Variants in KCNQ1 observed in about 807,000 individuals in gnomAD.
KCNQ1 encodes the protein potassium voltage-gated channel subfamily KQT member 1.
KCNQ1 carries 49 observed loss-of-function variants against 72.4 expected under a neutral mutation model. The ratio of observed to expected loss-of-function variants is 0.68; its 90% confidence interval spans 0.54 to 0.86. KCNQ1 has a LOEUF of 0.86. Among genes scored for constraint, KCNQ1 ranks in the 40% least tolerant of loss-of-function variants. KCNQ1 has a pLI of 0.00. For synonymous variants in KCNQ1, 450 were observed against 412.6 expected, an observed-to-expected ratio of 1.09 and a Z score of -1.10; for missense variants, 790 against 945.1, an observed-to-expected ratio of 0.84 and a Z score of 2.15.
chr11:2,802,133 C>T (rs919938947), intron 15 of KCNQ1, among the ~76,000 whole-genome samples: 15 of 152,234 alleles, frequency 9.9e-5, no homozygotes, highest in African/African-American at 3.4e-4. Context: ...CATCCACCCT[C>T]CACTCCGCTT....
intron 1 of KCNQ1, among the ~76,000 whole-genome samples, chr11:2,510,265 C>A (rs1038564997): frequency 6.6e-6 from 1 of 150,840 alleles, no homozygotes; most frequent in Admixed American, 6.6e-5. Context: ...AGTGACAGAA[C>A]GAGACCCTGT....
rs948018027 is a variant in KCNQ1 at position 2,713,486 on chromosome 11, C to T, written c.1514+51405C>T. Among the ~76,000 whole-genome samples the T allele has an allele frequency of 5.9e-5, 9 of 152,218 alleles. No homozygotes were observed. The highest frequency in any genetic ancestry group is 5.2e-4 in the Admixed American group (8 of 15,276). Reference sequence around the variant, plus strand: ...GCCATTGTAGATTTTGATTAATCGCCATCCCCATTATTTCTTCACTTTCTC... The same window carrying T: ...GCCATTGTAGATTTTGATTAATCGCTATCCCCATTATTTCTTCACTTTCTC... On this transcript the variant is annotated intron_variant, in intron 11 of 15. Coordinates refer to ENST00000155840, the MANE Select transcript of KCNQ1 (RefSeq NM_000218.3). The surrounding 1 kb of genome is among the most constrained non-coding windows in gnomAD (Gnocchi z 5.6).
At position 2,600,155 on chromosome 11, in the gene KCNQ1, G is replaced by A. The variant is rs1448178070; in HGVS notation, c.1393+11301G>A. ...AGTGCCGGATAATTCTTTGTTGAGG[G>A]AGGAAGTCCTGTCTATTGCAGGATG... On this transcript the variant is annotated intron_variant, in intron 10 of 15. Transcript: ENST00000155840. The surrounding 1 kb of genome is among the most constrained non-coding windows in gnomAD (Gnocchi z 5.6). Among the ~76,000 whole-genome samples the A allele has an allele frequency of 6.6e-6, 1 of 152,122 alleles. No homozygotes were observed. Among genetic ancestry groups the A allele is most frequent in the African/African-American group, 2.4e-5 (1 of 41,408 alleles).
intron 1 of KCNQ1, among the ~76,000 whole-genome samples, chr11:2,452,682 C>T (rs7945198): frequency 0.022 from 3,387 of 152,312 alleles, 112 homozygotes; most frequent in African/African-American, 0.078. Context: ...GTGCTCTTGG[C>T]TAGGATGGCT....
intron 15 of KCNQ1, among the ~76,000 whole-genome samples, chr11:2,822,303 C>T (rs1349679645): frequency 1.3e-5 from 2 of 152,192 alleles, no homozygotes. Flanking sequence ...TAACATGGCA[C>T]CACAGTGCAG....
At chr11:2,575,609 C>T (rs1848411862) in intron 6 of KCNQ1, among the ~76,000 whole-genome samples, 1 of 152,248 alleles carries the variant, frequency 6.6e-6, no homozygotes, top group Non-Finnish European at 1.5e-5. Context: ...CTGCTTCCTT[C>T]ACCCCACCGG....
At chr11:2,845,455 G>A (rs1848307123) in intron 15 of KCNQ1, among the ~76,000 whole-genome samples, 1 of 152,334 alleles carries the variant, frequency 6.6e-6, no homozygotes, top group Non-Finnish European at 1.5e-5. Context: ...TGAAGTGCTG[G>A]CGGGTCCTTG....
At chr11:2,585,112 C>G in intron 7 of KCNQ1, 100 bp from the exon 8 acceptor site, 1 of 1,062,296 alleles carries the variant, frequency 9.4e-7, no homozygotes, top group East Asian at 2.4e-5. Context: ...ACTGACCATA[C>G]CTGGCCTTCC....
chr11:2,660,368 G>A lies in KCNQ1; in HGVS notation c.1394-1593G>A, dbSNP rs150597452. ...TAAATTTAAGAGAGAATTGTATTACGCTGATGTGGGAAAACCTTCCTTTTT... is the reference window on the plus strand; with the variant it reads ...TAAATTTAAGAGAGAATTGTATTACACTGATGTGGGAAAACCTTCCTTTTT... On this transcript the variant is annotated intron_variant, in intron 10 of 15. Coordinates refer to ENST00000155840, the MANE Select transcript of KCNQ1 (RefSeq NM_000218.3). The A allele has an allele frequency of 3.2e-3, 1,285 of 398,426 alleles. 12 individuals carry two copies. The highest frequency in any genetic ancestry group is 0.022 in the African/African-American group (1,092 of 48,702). 24.7% of individuals were successfully genotyped at this position (398,426 alleles called of 1,614,324 possible).
intron 1 of KCNQ1, among the ~76,000 whole-genome samples, chr11:2,499,902 A>T (rs1394246357): frequency 6.6e-6 from 1 of 152,270 alleles, no homozygotes; most frequent in Non-Finnish European, 1.5e-5. Flanking sequence ...ATTCTCAAGG[A>T]TAGACCATAT....
At position 2,587,599 on chromosome 11, in the gene KCNQ1, C is replaced by T. The variant is rs779095930; in HGVS notation, c.1158C>T (p.Asn386=). 4 of 1,613,880 alleles carry T rather than the reference C, an allele frequency of 2.5e-6. No individual in the cohort carries two copies. The highest frequency in any genetic ancestry group is 1.1e-5 in the South Asian group (1 of 91,086). ...QTAWRCYAAE[N]PDSSTWKIYI... ...CATGGAGGTGCTATGCTGCCGAGAA[C>T]CCCGACTCCTCCACCTGGAAGATCT... is the stretch of plus-strand genomic sequence containing the variant. The change falls in exon 9 of 16, where the codon AAC becomes AAT. Residue 386 remains asparagine, a synonymous_variant. Coordinates refer to ENST00000155840, the MANE Select transcript of KCNQ1 (RefSeq NM_000218.3).
At position 2,624,871 on chromosome 11, in the gene KCNQ1, A is replaced by C. The variant is rs1485012093; in HGVS notation, c.1393+36017A>C. 5.0e-6 allele frequency: 2 copies of C among 398,502 alleles called. No homozygotes were observed. The highest frequency in any genetic ancestry group is 4.1e-5 in the African/African-American group (2 of 48,630). 24.7% of individuals were successfully genotyped at this position (398,502 alleles called of 1,614,324 possible). A position where few individuals can be genotyped will look rare whatever the true frequency, so the allele number is the denominator to read the frequency against. On this transcript the variant is annotated intron_variant, in intron 10 of 15. Coordinates refer to ENST00000155840, the MANE Select transcript of KCNQ1 (RefSeq NM_000218.3). The surrounding 1 kb of genome is among the most constrained non-coding windows in gnomAD (Gnocchi z 4.9). ...TCTTGTGACTGCTGTATTTCATTTA[A>C]CATAATGGCCTCGAGGTTCATCCAT...
chr11:2,542,736 T>C (rs1355240455), intron 2 of KCNQ1, among the ~76,000 whole-genome samples: 1 of 152,226 alleles, frequency 6.6e-6, no homozygotes, highest in Non-Finnish European at 1.5e-5. Context: ...TCTGGTTCCA[T>C]ATTTGAGAGT....
intron 11 of KCNQ1, chr11:2,665,097 G>A (rs1479194119): frequency 1.0e-5 from 4 of 398,442 alleles, no homozygotes; most frequent in Non-Finnish European, 1.8e-5. Context: ...AGGAGATAAA[G>A]AGTGGCGTCG....
chr11:2,830,290 G>T lies in KCNQ1; in HGVS notation c.1795-17477G>T, dbSNP rs1847920954. 6.6e-6 allele frequency among the ~76,000 whole-genome samples: 1 copy of T among 152,146 alleles called. No homozygotes were observed. Among genetic ancestry groups the T allele is most frequent in the Non-Finnish European group, 1.5e-5 (1 of 67,960 alleles). Reference sequence around the variant, plus strand: ...AGTGAGAGAAGAGGACTCACTGGTGGGTGCCTCCTCCCCACCTTTAGCAAG... The same window carrying T: ...AGTGAGAGAAGAGGACTCACTGGTGTGTGCCTCCTCCCCACCTTTAGCAAG... On this transcript the variant is annotated intron_variant, in intron 15 of 15. Transcript: ENST00000155840. This position sits in a 1 kb window ranked among gnomAD's most constrained non-coding sequence, Gnocchi z 7.7.
intron 10 of KCNQ1, chr11:2,648,447 CTA>C: frequency 2.5e-6 from 1 of 398,344 alleles, no homozygotes. Flanking sequence ...TTGTTGTACC[CTA>C]TACATTTTTG....
In KCNQ1 at chr11:2,497,872, T is replaced by C. The variant is rs1846948226; in HGVS notation, c.387-30056T>C. Among the ~76,000 whole-genome samples, 1 of 152,152 alleles carries C rather than the reference T, an allele frequency of 6.6e-6. No homozygotes were observed. Among genetic ancestry groups the C allele is most frequent in the African/African-American group, 2.4e-5 (1 of 41,444 alleles). Reference sequence around the variant, plus strand: ...TTTTTGTGTGGGGGGTCCCTTTTGTTGATGTTGATTTTGTTGCTTTCTGTT... The same window carrying C: ...TTTTTGTGTGGGGGGTCCCTTTTGTCGATGTTGATTTTGTTGCTTTCTGTT... On this transcript the variant is annotated intron_variant, in intron 1 of 15. Coordinates refer to ENST00000155840, the MANE Select transcript of KCNQ1 (RefSeq NM_000218.3). This position sits in a 1 kb window ranked among gnomAD's most constrained non-coding sequence, Gnocchi z 4.5.
intron 2 of KCNQ1, among the ~76,000 whole-genome samples, chr11:2,558,363 C>T (rs770188749): frequency 1.3e-5 from 2 of 152,242 alleles, no homozygotes; most frequent in Non-Finnish European, 2.9e-5. Flanking sequence ...TTATTCAGTG[C>T]GTCCTGGGTT....
chr11:2,605,701 T>G (rs1416029526), intron 10 of KCNQ1, among the ~76,000 whole-genome samples: 3 of 152,250 alleles, frequency 2.0e-5, no homozygotes, highest in African/African-American at 7.2e-5. Context: ...GTAGTCAATT[T>G]GGAGATCAGG....
Sources: gnomAD v4.1 joint callset for allele counts (sites outside exome capture counted in the v4.1 genomes callset) on GRCh38, gnomAD v4.1.1 for gene constraint, Gnocchi (gnomAD v3.1) non-coding constraint, MANE v1.5 for transcripts, NCBI Gene and HGNC (gene_info 2026-07-23, HGNC 2026-07-21) for gene names.